HSD17B12: variants seen among roughly 807,000 people sequenced by gnomAD.
The protein encoded by HSD17B12 is hydroxysteroid 17-beta dehydrogenase 12, also known as very-long-chain 3-oxoacyl-CoA reductase.
Under a neutral mutation model 39.3 loss-of-function variants are expected in HSD17B12, and 32 were observed. The observed-to-expected ratio is 0.81, with a 90% confidence interval of 0.61 to 1.09. The LOEUF is 1.09. Among genes scored for constraint, HSD17B12 ranks in the 50% least tolerant of loss-of-function variants. The probability of loss-of-function intolerance (pLI) is 0.00; values close to 1 mark genes in which losing one functional copy is unlikely to be tolerated. For synonymous variants in HSD17B12, 150 were observed against 146.7 expected, an observed-to-expected ratio of 1.02 and a Z score of -0.16; for missense variants, 342 against 382.9, an observed-to-expected ratio of 0.89 and a Z score of 0.89.
At chr11:43,607,978 GC>G in the HSD17B12 span, among the ~76,000 whole-genome samples, 4 of 152,200 alleles carry the variant, frequency 2.6e-5, no homozygotes, top group Non-Finnish European at 5.9e-5. Flanking sequence ...TGAGTGCACA[GC>G]TCCTGTCTGG....
chr11:43,588,704 C>G, the HSD17B12 span, among the ~76,000 whole-genome samples: 1 of 150,884 alleles, frequency 6.6e-6, no homozygotes, highest in Non-Finnish European at 1.5e-5. Flanking sequence ...GCATAAGCAG[C>G]TATAGGACCA....
the HSD17B12 span, among the ~76,000 whole-genome samples, chr11:43,649,186 G>A: frequency 6.6e-6 from 1 of 151,856 alleles, no homozygotes; most frequent in Non-Finnish European, 1.5e-5. Context: ...GCCCATTGTA[G>A]TAGAGGGTTA....
chr11:43,831,123 G>A lies in HSD17B12; in HGVS notation c.536+113G>A. ...AGTGACTAATGAACCAAGCCTCCAT[G>A]TCTTAGCCACAGAGTGATGTACCAG... On this transcript the variant is annotated intron_variant, in intron 7 of 10. Coordinates refer to ENST00000278353, the MANE Select transcript of HSD17B12 (RefSeq NM_016142.3). This position sits in a 1 kb window ranked among gnomAD's most constrained non-coding sequence, Gnocchi z 4.1. 1.0e-6 allele frequency: 1 copy of A among 954,106 alleles called. No homozygotes were observed. The highest frequency in any genetic ancestry group is 1.6e-6 in the Non-Finnish European group (1 of 632,626). 59.1% of individuals were successfully genotyped at this position (954,106 alleles called of 1,614,324 possible). A position where few individuals can be genotyped will look rare whatever the true frequency, so the allele number is the denominator to read the frequency against.
the HSD17B12 span, among the ~76,000 whole-genome samples, chr11:43,659,070 A>T: frequency 6.6e-6 from 1 of 152,114 alleles, no homozygotes; most frequent in South Asian, 2.1e-4. Context: ...TGCTTTGTTT[A>T]CCTGCTCAAG....
the HSD17B12 span, among the ~76,000 whole-genome samples, chr11:43,567,047 G>C: frequency 2.6e-5 from 4 of 152,162 alleles, no homozygotes; most frequent in Non-Finnish European, 4.4e-5. Context: ...GTTTTTAAAG[G>C]CTCCTGAGAG....
intron 1 of HSD17B12, among the ~76,000 whole-genome samples, chr11:43,748,965 C>T (rs1191279927): frequency 6.6e-6 from 1 of 152,102 alleles, no homozygotes; most frequent in Non-Finnish European, 1.5e-5. Context: ...TCTAATATGA[C>T]CATTTTGCAA....
At chr11:43,696,554 T>G (rs1949913420) in intron 1 of HSD17B12, among the ~76,000 whole-genome samples, 1 of 152,216 alleles carries the variant, frequency 6.6e-6, no homozygotes, top group African/African-American at 2.4e-5. Context: ...AGGAACACTT[T>G]TACACTGTTA....
At chr11:43,827,980 C>T (rs994020940) in intron 6 of HSD17B12, among the ~76,000 whole-genome samples, 9 of 151,996 alleles carry the variant, frequency 5.9e-5, no homozygotes, top group Non-Finnish European at 7.4e-5. Context: ...TAAACTATCC[C>T]CTTTAGATTC....
chr11:43,559,462 T>G, the HSD17B12 span, among the ~76,000 whole-genome samples: 1 of 152,198 alleles, frequency 6.6e-6, no homozygotes, highest in East Asian at 1.9e-4. Context: ...ACTTGTCACA[T>G]GCAGACATGT....
At chr11:43,814,584 T>C (rs556736237) in intron 4 of HSD17B12, among the ~76,000 whole-genome samples, 10 of 152,212 alleles carry the variant, frequency 6.6e-5, no homozygotes, top group Non-Finnish European at 1.2e-4. Context: ...GGTTTATTCA[T>C]ATCTTGTCAA....
chr11:43,616,797 TAAAAAAA>T, the HSD17B12 span, among the ~76,000 whole-genome samples: 19 of 59,724 alleles, frequency 3.2e-4, no homozygotes, highest in South Asian at 1.5e-3. Context: ...GTGCCCAAAC[TAAAAAAA>T]AAAAAAAAAA....
intron 4 of HSD17B12, among the ~76,000 whole-genome samples, chr11:43,812,829 G>A (rs1342161349): frequency 6.6e-6 from 1 of 152,010 alleles, no homozygotes; most frequent in Non-Finnish European, 1.5e-5. Context: ...CACAGCTGAA[G>A]ACTCTCTATT....
rs1329125431 is a variant in HSD17B12 at position 43,856,468 on chromosome 11, A to C, written c.*1220A>C. The C allele has an allele frequency of 6.6e-6, 1 of 152,234 alleles. No individual in the cohort carries two copies. The highest frequency in any genetic ancestry group is 1.9e-4 in the East Asian group (1 of 5,206). 9.4% of individuals were successfully genotyped at this position (152,234 alleles called of 1,614,324 possible). A position where few individuals can be genotyped will look rare whatever the true frequency, so the allele number is the denominator to read the frequency against. ...ATTTTGCCAGCTAAGGACATAAAAC[A>C]AAAATAAACAAACAAAAACAAATAG... On this transcript the variant is annotated 3_prime_UTR_variant, in exon 11 of 11. Transcript: ENST00000278353.
chr11:43,731,863 A>C (rs1950270487), intron 1 of HSD17B12, among the ~76,000 whole-genome samples: 1 of 152,192 alleles, frequency 6.6e-6, no homozygotes, highest in African/African-American at 2.4e-5. Context: ...ACCCGTGTCC[A>C]AAAAATGGCA....
chr11:43,681,990 A>T (rs1271753154), intron 1 of HSD17B12, among the ~76,000 whole-genome samples: 1 of 152,034 alleles, frequency 6.6e-6, no homozygotes, highest in Admixed American at 6.5e-5. Context: ...TCGAATGTGC[A>T]CTTCCTAAGC....
rs1421328490 is a variant in HSD17B12, at chr11:43,815,467, C to A, written c.422C>A (p.Pro141His). The change falls in exon 5 of 11, where the codon CCT becomes CAT. Residue 141 changes from proline to histidine, a missense_variant. Physicochemically the swap from Pro to His is moderately conservative, Grantham distance 77 (BLOSUM62 -2). Transcript: ENST00000278353. ...AACGTGGGAATGTCGTATGAGTATC[C>A]TGAATACTTTTTGGATGTTCCTGAC... ...VNNVGMSYEY[P>H]EYFLDVPDLD... 2 of 1,579,080 alleles carry A rather than the reference C, an allele frequency of 1.3e-6. No individual in the cohort carries two copies. The highest frequency in any genetic ancestry group is 1.2e-5 in the South Asian group (1 of 85,066).
In HSD17B12 at chr11:43,798,412, G is replaced by A. The variant is rs780394232; in HGVS notation, c.376G>A (p.Glu126Lys). ...DKIKTGLAGL[E>K]IGILVNNVGM... ...AATTAAAACAGGCTTGGCTGGTCTT[G>A]AAATCGGCATCTTAGGTTTGTATTT... Residue 126 changes from glutamate (E) to lysine (K), a missense_variant, in exon 4 of 11, where the codon GAA becomes AAA. Transcript: ENST00000278353. The A allele has an allele frequency of 5.6e-6, 9 of 1,608,322 alleles. No individual in the cohort carries two copies. The highest frequency in any genetic ancestry group is 1.3e-5 in the African/African-American group (1 of 74,872).
intron 1 of HSD17B12, among the ~76,000 whole-genome samples, chr11:43,725,431 A>C (rs1346537612): frequency 1.3e-5 from 2 of 152,246 alleles, no homozygotes; most frequent in African/African-American, 4.8e-5. Context: ...ATAACAACAA[A>C]TATTCTATGC....
chr11:43,781,257 GA>G, intron 3 of HSD17B12, among the ~76,000 whole-genome samples: 1 of 152,196 alleles, frequency 6.6e-6, no homozygotes, highest in East Asian at 1.9e-4. Flanking sequence ...TTTGATGCCT[GA>G]TTAAAGAAAT....
Sources: gnomAD v4.1 joint callset for allele counts (sites outside exome capture counted in the v4.1 genomes callset) on GRCh38, gnomAD v4.1.1 for gene constraint, Gnocchi (gnomAD v3.1) non-coding constraint, MANE v1.5 for transcripts, NCBI Gene and HGNC (gene_info 2026-07-23, HGNC 2026-07-21) for gene names.